Variants in UGT1A6 observed in about 807,000 individuals in gnomAD.
The protein encoded by UGT1A6 is UDP glucuronosyltransferase family 1 member A6, also known as UDP-glucuronosyltransferase 1A6.
In UGT1A6, 32 loss-of-function variants were observed where a neutral mutation model predicts 44.4. That is an observed-to-expected ratio of 0.72 (90% CI 0.54 to 0.97). The LOEUF (loss-of-function observed/expected upper bound fraction) is 0.97, where lower values mean the gene tolerates loss of function less well. Among genes scored for constraint, UGT1A6 ranks in the 50% least tolerant of loss-of-function variants. The probability of loss-of-function intolerance (pLI) is 0.00; values close to 1 mark genes in which losing one functional copy is unlikely to be tolerated. For missense variants in UGT1A6, 685 were observed against 661.9 expected, an observed-to-expected ratio of 1.03 and a Z score of -0.38; for synonymous variants, 238 against 248.5, an observed-to-expected ratio of 0.96 and a Z score of 0.40.
intron 1 of UGT1A6, chr2:233,747,193 C>T (rs1693585956): frequency 1.9e-6 from 3 of 1,603,982 alleles, no homozygotes; most frequent in Non-Finnish European, 2.6e-6. Flanking sequence ...GGACAGTCAG[C>T]TGTCCGTGTC....
Position 233,722,378 on chromosome 2 carries a change from G to A in UGT1A6, c.861+28513G>A, listed in dbSNP as rs140434446. Among the ~76,000 whole-genome samples, 1,163 of 152,214 alleles carry A rather than the reference G, an allele frequency of 7.6e-3. 5 individuals are homozygous for A. The highest frequency in any genetic ancestry group is 8.8e-3 in the Non-Finnish European group (598 of 68,014). On this transcript the variant is annotated intron_variant, in intron 1 of 4. Coordinates refer to ENST00000305139, the MANE Select transcript of UGT1A6 (RefSeq NM_001072.4). ...TACAAGACTAAAGTTGAAATCTTACGTTTCTTCTCCCTCTCTTTCTCCTTG... is the reference window on the plus strand; with the variant it reads ...TACAAGACTAAAGTTGAAATCTTACATTTCTTCTCCCTCTCTTTCTCCTTG...
rs187768174 is a variant in UGT1A6, at chr2:233,743,103, C to T, written c.862-23931C>T. 4.1e-3 allele frequency: 1,437 copies of T among 353,348 alleles called. 18 individuals carry two copies. Among genetic ancestry groups the T allele is most frequent in the South Asian group, 0.019 (861 of 45,444 alleles). 21.9% of individuals were successfully genotyped at this position (353,348 alleles called of 1,614,324 possible). A position where few individuals can be genotyped will look rare whatever the true frequency, so the allele number is the denominator to read the frequency against. ...AGTGTTTATAAATTCTTGGGTACAG[C>T]TGTTCTGAAAGTAAAGTTCACTTTC... On this transcript the variant is annotated intron_variant, in intron 1 of 4. Transcript: ENST00000305139.
At chr2:233,702,470 T>C (rs1388086683) in intron 1 of UGT1A6, among the ~76,000 whole-genome samples, 1 of 152,192 alleles carries the variant, frequency 6.6e-6, no homozygotes, top group Non-Finnish European at 1.5e-5. Context: ...CTTATCTAAT[T>C]GCCCTGGCTT....
chr2:233,743,068 G>A (rs397839835), intron 1 of UGT1A6: 3 of 339,878 alleles, frequency 8.8e-6, no homozygotes, highest in South Asian at 7.2e-5. Flanking sequence ...AAGAACAGGT[G>A]TTGGCATGAA....
Position 233,693,847 on chromosome 2 carries a change from G to A in UGT1A6, c.843G>A (p.Lys281=). ...MVFIGGINCK[K]RKDLSQEFEA... Reference sequence around the variant, plus strand: ...TCATTGGAGGTATCAACTGTAAGAAGAGGAAAGACTTGTCTCAGGTTGGTG... The same window carrying A: ...TCATTGGAGGTATCAACTGTAAGAAAAGGAAAGACTTGTCTCAGGTTGGTG... The change falls in exon 1 of 5, where the codon AAG becomes AAA. Residue 281 remains lysine, a synonymous_variant. Transcript: ENST00000305139. 1.2e-6 allele frequency: 2 copies of A among 1,614,212 alleles called. No individual in the cohort carries two copies. Among genetic ancestry groups the A allele is most frequent in the Non-Finnish European group, 1.7e-6 (2 of 1,180,028 alleles).
At chr2:233,757,560 A>ATATATATATATATATATATATG (rs904896556) in intron 1 of UGT1A6, among the ~76,000 whole-genome samples, 6 of 123,150 alleles carry the variant, frequency 4.9e-5, no homozygotes, top group African/African-American at 2.0e-4. Flanking sequence ...ATATATATAT[A>ATATATATATATATATATATATG]TGTATATATG....
chr2:233,707,208 A>G (rs2075948847), intron 1 of UGT1A6, among the ~76,000 whole-genome samples: 1 of 151,654 alleles, frequency 6.6e-6, no homozygotes, highest in Non-Finnish European at 1.5e-5. Context: ...TTCCCTTTCC[A>G]TCTTTTCTCT....
In UGT1A6 at chr2:233,747,664, T is replaced by G. The variant is rs942017762; in HGVS notation, c.862-19370T>G. ...GCTACTTCCTTCGATGTGGTTTTAA[T>G]AGACCCAATTTACCTCTGTGGGGCA... On this transcript the variant is annotated intron_variant, in intron 1 of 4. Coordinates refer to ENST00000305139, the MANE Select transcript of UGT1A6 (RefSeq NM_001072.4). The G allele has an allele frequency of 5.0e-6, 8 of 1,600,932 alleles. No individual in the cohort carries two copies. The African/African-American group carries it at 1.1e-4, about 22-fold the overall frequency.
At chr2:233,748,742 C>T (rs533880197) in intron 1 of UGT1A6, among the ~76,000 whole-genome samples, 32 of 151,508 alleles carry the variant, frequency 2.1e-4, no homozygotes, top group African/African-American at 6.3e-4. Flanking sequence ...TCTCAGAGTT[C>T]GGAAGGCATA....
Position 233,772,467 on chromosome 2 carries a change from T to C in UGT1A6, c.1507T>C (p.Phe503Leu), listed in dbSNP as rs761746377. Residue 503 changes from phenylalanine to leucine, a missense_variant, in exon 5 of 5, where the codon TTC becomes CTC. Transcript: ENST00000305139. ...FLLAVVLTVA[F>L]ITFKCCAYGY... is the part of the protein sequence containing the mutation. ...CTTGGCCGTCGTGCTGACAGTGGCC[T>C]TCATCACCTTTAAATGTTGTGCTTA... is the stretch of plus-strand genomic sequence containing the variant. 2 of 1,614,038 alleles carry C rather than the reference T, an allele frequency of 1.2e-6. No individual in the cohort carries two copies. The highest frequency in any genetic ancestry group is 1.3e-5 in the African/African-American group (1 of 74,916).
chr2:233,748,866 G>T (rs17862876), intron 1 of UGT1A6, among the ~76,000 whole-genome samples: 1,756 of 151,560 alleles, frequency 0.012, 18 homozygotes, highest in Non-Finnish European at 0.019. Flanking sequence ...AGTTAAGCTG[G>T]GGACGGTGAT....
intron 1 of UGT1A6, chr2:233,741,793 C>T (rs1691771418): frequency 6.6e-6 from 1 of 151,878 alleles, no homozygotes; most frequent in South Asian, 2.1e-4. Context: ...AAAAAATTAC[C>T]AGCATGCTGC....
chr2:233,721,895 C>T lies in UGT1A6; in HGVS notation c.861+28030C>T, dbSNP rs564941516. On this transcript the variant is annotated intron_variant, in intron 1 of 4. Transcript: ENST00000305139. ...CTTGCCAGCCCCTCCATTGCAATAT[C>T]GAAATGGTGCACACTGCTTCCATAA... 5.1e-5 allele frequency: 24 copies of T among 474,852 alleles called. 1 individual carries two copies. Among genetic ancestry groups the T allele is most frequent in the Non-Finnish European group, 8.4e-5 (20 of 237,474 alleles). The allele number at this position is 474,852 out of a possible 1,614,324, so 29.4% of individuals were successfully genotyped here.
chr2:233,766,292 T>C (rs1426642271), intron 1 of UGT1A6, among the ~76,000 whole-genome samples: 2 of 147,940 alleles, frequency 1.4e-5, no homozygotes, highest in African/African-American at 5.0e-5. Context: ...CTCGGTGGCC[T>C]GGGCTCTCCT....
At chr2:233,700,425 T>G (rs901501632) in intron 1 of UGT1A6, among the ~76,000 whole-genome samples, 10 of 152,144 alleles carry the variant, frequency 6.6e-5, no homozygotes, top group Non-Finnish European at 1.0e-4. Context: ...TAATAGATAA[T>G]TATCTAAAGA....
intron 1 of UGT1A6, chr2:233,717,679 T>C (rs1575517929): frequency 6.9e-6 from 3 of 437,064 alleles, no homozygotes; most frequent in Admixed American, 4.8e-5. Flanking sequence ...TGCGAGCACA[T>C]GTAGGAGTGA....
At chr2:233,756,852 C>A (rs11568318) in intron 1 of UGT1A6, among the ~76,000 whole-genome samples, 7,795 of 152,070 alleles carry the variant, frequency 0.051, 227 homozygotes, top group African/African-American at 0.061. Context: ...AACATTCTAA[C>A]GGTTCATAAA....
At chr2:233,739,139 T>G (rs539919985) in intron 1 of UGT1A6, 1 of 152,378 alleles carries the variant, frequency 6.6e-6, no homozygotes, top group African/African-American at 2.4e-5. Flanking sequence ...AATTTAGGTT[T>G]GGGAACCTCC....
intron 1 of UGT1A6, chr2:233,719,682 T>A: frequency 6.2e-7 from 1 of 1,614,086 alleles, no homozygotes; most frequent in South Asian, 1.1e-5. Flanking sequence ...GAAGCCACTA[T>A]CTCAGGTCTG....
Sources: gnomAD v4.1 joint callset for allele counts (sites outside exome capture counted in the v4.1 genomes callset) on GRCh38, gnomAD v4.1.1 for gene constraint, MANE v1.5 for transcripts, NCBI Gene and HGNC (gene_info 2026-07-23, HGNC 2026-07-21) for gene names.